DCP2: variants seen among roughly 807,000 people sequenced by gnomAD.
DCP2 encodes the protein m7GpppN-mRNA hydrolase.
Under a neutral mutation model 56.1 loss-of-function variants are expected in DCP2, and 30 were observed. The observed-to-expected ratio is 0.53, with a 90% CI of 0.40 to 0.73. DCP2 has a LOEUF of 0.73. DCP2 is among the 30% of genes least tolerant of loss of function. The pLI is 0.00. For missense variants in DCP2, 533 were observed against 502.7 expected, an observed-to-expected ratio of 1.06 and a Z score of -0.58; for synonymous variants, 197 against 163.3, an observed-to-expected ratio of 1.21 and a Z score of -1.57.
At chr5:113,000,414 A>C (rs903472381) in intron 4 of DCP2, among the ~76,000 whole-genome samples, 1 of 110,682 alleles carries the variant, frequency 9.0e-6, no homozygotes, top group Non-Finnish European at 2.0e-5. Flanking sequence ...ACACACACAC[A>C]CACACACACA....
chr5:112,989,212 G>GAGGCT (rs1451162505), intron 2 of DCP2, among the ~76,000 whole-genome samples: 1 of 152,168 alleles, frequency 6.6e-6, no homozygotes, highest in Non-Finnish European at 1.5e-5. Flanking sequence ...TTACGATTTG[G>GAGGCT]AGGCTGTGAG....
intron 1 of DCP2, among the ~76,000 whole-genome samples, chr5:112,981,204 G>A (rs1450994528): frequency 6.6e-6 from 1 of 151,980 alleles, no homozygotes; most frequent in South Asian, 2.1e-4. Context: ...GTAGAGATGG[G>A]ATCTTTGCCC....
At position 113,013,692 on chromosome 5, in the gene DCP2, C is replaced by G; in HGVS notation, c.*208C>G. Reference sequence around the variant, plus strand: ...AACCTTTTATACAGATTTACCTTTTCAGTGTTCAGTACAAGTTTAAGTTGC... The same window carrying G: ...AACCTTTTATACAGATTTACCTTTTGAGTGTTCAGTACAAGTTTAAGTTGC... On this transcript the variant is annotated 3_prime_UTR_variant, in exon 11 of 11. Coordinates refer to ENST00000389063, the MANE Select transcript of DCP2 (RefSeq NM_152624.6). 1 of 500,994 alleles carries G rather than the reference C, an allele frequency of 2.0e-6. No individual in the cohort carries two copies. 31.0% of individuals were successfully genotyped at this position (500,994 alleles called of 1,614,324 possible).
intron 4 of DCP2, among the ~76,000 whole-genome samples, chr5:112,997,029 T>C (rs537763109): frequency 6.6e-6 from 1 of 152,360 alleles, no homozygotes; most frequent in African/African-American, 2.4e-5. Flanking sequence ...TTAGTTTTCT[T>C]CTAAAGGTTA....
rs1484993352 is a variant in DCP2, at chr5:113,021,402, AAAC to A, written c.*7919_*7921del. Reference sequence around the variant, plus strand: ...AAAAACAACCAAAAAAAAAAAAAAAAAACCCCCAGGAAGAAATATTGTCGAGAG... The same window carrying A: ...AAAAACAACCAAAAAAAAAAAAAAAACCCCAGGAAGAAATATTGTCGAGAG... On this transcript the variant is annotated 3_prime_UTR_variant, in exon 11 of 11. Transcript: ENST00000389063. Among the ~76,000 whole-genome samples the A allele has an allele frequency of 6.6e-6, 1 of 151,136 alleles. No individual in the cohort carries two copies. The highest frequency in any genetic ancestry group is 2.4e-5 in the African/African-American group (1 of 40,916).
intron 9 of DCP2, among the ~76,000 whole-genome samples, 175 bp from the exon 10 acceptor site, chr5:113,010,581 A>G (rs1178033489): frequency 6.6e-6 from 1 of 152,186 alleles, no homozygotes; most frequent in African/African-American, 2.4e-5. Context: ...TTTAGGTGTG[A>G]AAAGTAAATA....
intron 1 of DCP2, among the ~76,000 whole-genome samples, chr5:112,985,138 A>T (rs1173560943): frequency 6.6e-6 from 1 of 152,200 alleles, no homozygotes; most frequent in African/African-American, 2.4e-5. Flanking sequence ...GACTGCTCTG[A>T]ATTACAACAT....
intron 4 of DCP2, among the ~76,000 whole-genome samples, chr5:113,000,204 C>T (rs1054236451): frequency 6.6e-6 from 1 of 152,124 alleles, no homozygotes; most frequent in Non-Finnish European, 1.5e-5. Context: ...GTGATCCTCC[C>T]TCTTTGGCCT....
intron 2 of DCP2, among the ~76,000 whole-genome samples, chr5:112,989,393 ATAAATGTTAATGTAATAAATGT>A (rs1162769826): frequency 6.6e-5 from 10 of 152,090 alleles, no homozygotes; most frequent in Non-Finnish European, 4.4e-5. Flanking sequence ...ACAGTGATCA[ATAAATGTTAATGTAATAAATGT>A]TAACTATTAC....
intron 2 of DCP2, 145 bp downstream of exon 2, chr5:112,986,131 A>G: frequency 2.9e-6 from 2 of 690,266 alleles, no homozygotes; most frequent in South Asian, 3.1e-5. Context: ...TAAATAGTAG[A>G]CACAATTTAG....
At position 113,015,319 on chromosome 5, in the gene DCP2, G is replaced by A. The variant is rs1191785482; in HGVS notation, c.*1835G>A. ...ATTTTCACTCATTTATTGTCTTCTG[G>A]AAACCATTTAACTTTTACTGTTTTT... is the stretch of plus-strand genomic sequence containing the variant. On this transcript the variant is annotated 3_prime_UTR_variant, in exon 11 of 11. Transcript: ENST00000389063. The A allele has an allele frequency of 6.6e-6, 1 of 151,718 alleles. No homozygotes were observed. Among genetic ancestry groups the A allele is most frequent in the African/African-American group, 2.4e-5 (1 of 41,278 alleles). 9.4% of individuals were successfully genotyped at this position (151,718 alleles called of 1,614,324 possible). A position where few individuals can be genotyped will look rare whatever the true frequency, so the allele number is the denominator to read the frequency against.
At chr5:112,998,091 C>T (rs1748949404) in intron 4 of DCP2, among the ~76,000 whole-genome samples, 1 of 152,152 alleles carries the variant, frequency 6.6e-6, no homozygotes, top group African/African-American at 2.4e-5. Flanking sequence ...TATATTTCAA[C>T]TATTATAACT....
chr5:112,985,958 G>T lies in DCP2; in HGVS notation c.177G>T (p.Gln59His). Residue 59 changes from glutamine (Q) to histidine (H), a missense_variant, in exon 2 of 11, where the codon CAG becomes CAT. Gln to His is a conservative substitution (Grantham distance 24). Coordinates refer to ENST00000389063, the MANE Select transcript of DCP2 (RefSeq NM_152624.6). ...FYMQNTPGLP[Q>H]CGIRDFAKAV... is the part of the protein sequence containing the mutation. ...TGCAGAACACACCAGGATTACCTCAGTGTGGGATAAGAGACTTTGCTAAAG... is the reference window on the plus strand; with the variant it reads ...TGCAGAACACACCAGGATTACCTCATTGTGGGATAAGAGACTTTGCTAAAG... 3 of 1,579,336 alleles carry T rather than the reference G, an allele frequency of 1.9e-6. No homozygotes were observed. Among genetic ancestry groups the T allele is most frequent in the African/African-American group, 1.3e-5 (1 of 74,728 alleles).
At position 112,989,476 on chromosome 5, in the gene DCP2, A is replaced by ATTAT. The variant is rs914058796; in HGVS notation, c.206-2645_206-2644insTTAT. Among the ~76,000 whole-genome samples the ATTAT allele has an allele frequency of 8.7e-4, 133 of 152,240 alleles. 1 individual carries two copies. The highest frequency in any genetic ancestry group is 3.0e-3 in the African/African-American group (126 of 41,546). On this transcript the variant is annotated intron_variant, in intron 2 of 10. Coordinates refer to ENST00000389063, the MANE Select transcript of DCP2 (RefSeq NM_152624.6). ...GCTAAATAGAAGCCTTCTCTGAGAT[A>ATTAT]GTGATTTATGTGAGGAAAATCGGAG...
chr5:113,007,234 C>G (rs1749480463), intron 8 of DCP2, among the ~76,000 whole-genome samples: 1 of 151,986 alleles, frequency 6.6e-6, no homozygotes, highest in Admixed American at 6.6e-5. Flanking sequence ...TCTAGGGTAA[C>G]AATTGATTAC....
intron 8 of DCP2, among the ~76,000 whole-genome samples, chr5:113,006,887 C>G (rs183005423): frequency 2.0e-5 from 3 of 152,214 alleles, no homozygotes; most frequent in Admixed American, 2.0e-4. Context: ...AATTCTAGCT[C>G]TTCGGGAGGC....
At chr5:112,981,811 G>T (rs1297537268) in intron 1 of DCP2, among the ~76,000 whole-genome samples, 1 of 152,142 alleles carries the variant, frequency 6.6e-6, no homozygotes. Flanking sequence ...TTGCTCGTTT[G>T]CCCAGGCTGG....
chr5:113,010,515 C>T (rs954037157), intron 9 of DCP2, among the ~76,000 whole-genome samples: 2 of 152,032 alleles, frequency 1.3e-5, no homozygotes, highest in East Asian at 3.8e-4. Flanking sequence ...CAATACTTGT[C>T]TATTTTTTTG....
intron 1 of DCP2, among the ~76,000 whole-genome samples, chr5:112,979,514 G>A (rs1747898607): frequency 6.6e-6 from 1 of 152,036 alleles, no homozygotes; most frequent in Admixed American, 6.5e-5. Context: ...TTCAAGCTAG[G>A]TGCTTGTTTT....
Sources: allele counts gnomAD v4.1 joint callset (sites outside exome capture counted in the v4.1 genomes callset), GRCh38; gene constraint gnomAD v4.1.1; transcripts MANE v1.5; gene names NCBI Gene and HGNC (gene_info 2026-07-23, HGNC 2026-07-21).